DNAJC13: variants seen among roughly 807,000 people sequenced by gnomAD.
DNAJC13 encodes dnaJ homolog subfamily C member 13.
In DNAJC13, 75 loss-of-function variants were observed where a neutral mutation model predicts 290.5. The observed-to-expected ratio is 0.26, with a 90% CI of 0.21 to 0.31. The LOEUF (loss-of-function observed/expected upper bound fraction) is 0.31, where lower values mean the gene tolerates loss of function less well. DNAJC13 is among the 10% of genes least tolerant of loss of function. DNAJC13 has a pLI of 1.00. For synonymous variants in DNAJC13, 862 were observed against 892.0 expected (o/e 0.97, Z 0.60); for missense variants, 2,260 against 2,674.5 (o/e 0.85, Z 3.42).
At chr3:132,502,590 G>T (rs1194974909) in intron 40 of DNAJC13, 122 bp downstream of exon 40, 4 of 937,502 alleles carry the variant, frequency 4.3e-6, no homozygotes, top group Non-Finnish European at 5.9e-6. Context: ...GGAAAATTAG[G>T]TTTTTTGCTT....
rs889471093 is a variant in DNAJC13 at position 132,417,513 on chromosome 3, G to C, written c.-261G>C. 2 of 152,224 alleles carry C rather than the reference G, an allele frequency of 1.3e-5. No homozygotes were observed. Among genetic ancestry groups the C allele is most frequent in the South Asian group, 2.1e-4 (1 of 4,832 alleles). 9.4% of individuals were successfully genotyped at this position (152,224 alleles called of 1,614,324 possible). A position where few individuals can be genotyped will look rare whatever the true frequency, so the allele number is the denominator to read the frequency against. Reference sequence around the variant, plus strand: ...GACGCAGGCGTATTAGAGCGCGCTCGCTCAAAGCCTGAGCGAAGATGGCGG... The same window carrying C: ...GACGCAGGCGTATTAGAGCGCGCTCCCTCAAAGCCTGAGCGAAGATGGCGG... On this transcript the variant is annotated 5_prime_UTR_variant, in exon 1 of 56. Coordinates refer to ENST00000260818, the MANE Select transcript of DNAJC13 (RefSeq NM_015268.4).
At position 132,482,325 on chromosome 3, in the gene DNAJC13, C is replaced by T. The variant is rs1229119558; in HGVS notation, c.2974C>T (p.His992Tyr). ...DKERSGPYGF[H>Y]EMQELWTKGM... ...AGAAAGGAGTGGCCCGTATGGATTTCATGAGGTATGTATCTTGGAGATACT... is the reference window on the plus strand; with the variant it reads ...AGAAAGGAGTGGCCCGTATGGATTTTATGAGGTATGTATCTTGGAGATACT... Residue 992 changes from histidine to tyrosine, a missense_variant, in exon 27 of 56, where the codon CAT becomes TAT. Physicochemically the swap from His to Tyr is moderately conservative, Grantham distance 83 (BLOSUM62 2). Around this residue, in one of 3 missense-constraint regions of DNAJC13, gnomAD observed 1,494 missense variants for 1,693.7 expected, o/e 0.88. Coordinates refer to ENST00000260818, the MANE Select transcript of DNAJC13 (RefSeq NM_015268.4). 4 of 1,612,894 alleles carry T rather than the reference C, an allele frequency of 2.5e-6. No homozygotes were observed. The highest frequency in any genetic ancestry group is 3.4e-6 in the Non-Finnish European group (4 of 1,179,126).
At position 132,496,652 on chromosome 3, in the gene DNAJC13, G is replaced by T; in HGVS notation, c.4145G>T (p.Arg1382Leu). 1 of 1,605,070 alleles carries T rather than the reference G, an allele frequency of 6.2e-7. No homozygotes were observed. Among genetic ancestry groups the T allele is most frequent in the Non-Finnish European group, 8.5e-7 (1 of 1,176,530 alleles). Residue 1382 changes from arginine (R) to leucine (L), a missense_variant, in exon 36 of 56, where the codon CGT (arginine) becomes CTT (leucine). Physicochemically the swap from Arg to Leu is moderately radical, Grantham distance 102. This residue lies in a region of DNAJC13 where 1,494 missense variants were observed against 1,693.7 expected (regional missense o/e 0.88). Transcript: ENST00000260818. ...ILKTQSILFN[R>L]HKEDLQPYKY... is the part of the protein sequence containing the mutation. ...AAAACACAGAGCATCCTCTTCAACC[G>T]TCATAAAGAAGGTAAGATGTCTGTT...
chr3:132,483,793 T>C (rs1934760997), intron 28 of DNAJC13, among the ~76,000 whole-genome samples: 1 of 152,234 alleles, frequency 6.6e-6, no homozygotes, highest in South Asian at 2.1e-4. Flanking sequence ...TTTCAAATAA[T>C]GTTACAAAAC....
chr3:132,491,069 T>A lies in DNAJC13; in HGVS notation c.3623+18T>A, dbSNP rs199764417. ...GAAATGAGGTAAATAACCAGTTGAC[T>A]GATTGATTTGTATTTTATAATTAAG... On this transcript the variant is annotated intron_variant, in intron 32 of 55. Transcript: ENST00000260818. 5.1e-6 allele frequency: 8 copies of A among 1,575,948 alleles called. No individual in the cohort carries two copies. The highest frequency in any genetic ancestry group is 6.0e-6 in the Non-Finnish European group (7 of 1,164,838).
intron 36 of DNAJC13, among the ~76,000 whole-genome samples, chr3:132,497,237 G>A (rs1935261237): frequency 6.6e-6 from 1 of 152,226 alleles, no homozygotes; most frequent in African/African-American, 2.4e-5. Context: ...ATTATCCAGT[G>A]TTTGTGGGGC....
At chr3:132,437,886 C>T (rs553180659) in intron 2 of DNAJC13, among the ~76,000 whole-genome samples, 2 of 151,892 alleles carry the variant, frequency 1.3e-5, no homozygotes, top group East Asian at 3.9e-4. Context: ...CCTGTCTCTA[C>T]CAAAAAGTAC....
At chr3:132,472,592 C>T (rs1234260639) in intron 20 of DNAJC13, 1 of 985,296 alleles carries the variant, frequency 1.0e-6, no homozygotes, top group Non-Finnish European at 1.2e-6. Context: ...GTTCCTGCTA[C>T]GTGTGTGAAA....
At chr3:132,420,708 C>G (rs150748819) in intron 1 of DNAJC13, among the ~76,000 whole-genome samples, 1 of 152,260 alleles carries the variant, frequency 6.6e-6, no homozygotes, top group East Asian at 1.9e-4. Context: ...ACAAACTGTT[C>G]TGCAGATTCA....
At chr3:132,484,494 G>A in intron 28 of DNAJC13, 94 bp from the exon 29 acceptor site, 2 of 1,148,684 alleles carry the variant, frequency 1.7e-6, no homozygotes, top group East Asian at 2.4e-5. Flanking sequence ...AAAAAGTAAG[G>A]TAACCTGCTT....
chr3:132,488,177 C>A, intron 29 of DNAJC13, 121 bp from the exon 30 acceptor site: 1 of 822,242 alleles, frequency 1.2e-6, no homozygotes. Flanking sequence ...TTACTGACTC[C>A]CATGGGTTTT....
At chr3:132,417,929 T>C (rs941098405) in intron 1 of DNAJC13, among the ~76,000 whole-genome samples, 169 bp downstream of exon 1, 6 of 152,162 alleles carry the variant, frequency 3.9e-5, no homozygotes, top group African/African-American at 1.4e-4. Flanking sequence ...GTCTGGTTCC[T>C]TTCGTTGGAC....
intron 6 of DNAJC13, among the ~76,000 whole-genome samples, chr3:132,452,787 C>T (rs1336083290): frequency 6.6e-6 from 1 of 152,190 alleles, no homozygotes; most frequent in Non-Finnish European, 1.5e-5. Flanking sequence ...GATACTCATC[C>T]TGTAGCCTGT....
In DNAJC13 at chr3:132,417,601, C is replaced by T. The variant is rs1164234373; in HGVS notation, c.-173C>T. On this transcript the variant is annotated 5_prime_UTR_variant, in exon 1 of 56. Coordinates refer to ENST00000260818, the MANE Select transcript of DNAJC13 (RefSeq NM_015268.4). The stretch of plus-strand genomic sequence containing the variant: ...CGGAGGGGGCGGGGAGGCAGCGCCG[C>T]GGCGGCACCAGGAACCCGCGGCAGC... 2 of 152,504 alleles carry T rather than the reference C, an allele frequency of 1.3e-5. No homozygotes were observed. The highest frequency in any genetic ancestry group is 1.5e-5 in the Non-Finnish European group (1 of 68,216). The allele number at this position is 152,504 out of a possible 1,614,324, so 9.4% of individuals were successfully genotyped here. A position where few individuals can be genotyped will look rare whatever the true frequency, so the allele number is the denominator to read the frequency against.
intron 24 of DNAJC13, among the ~76,000 whole-genome samples, chr3:132,478,750 CA>C (rs1934558552): frequency 6.6e-6 from 1 of 151,984 alleles, no homozygotes; most frequent in South Asian, 2.1e-4. Context: ...GACCTTGTCT[CA>C]AAAAAAATTT....
chr3:132,421,944 A>G (rs1938970624), intron 1 of DNAJC13, among the ~76,000 whole-genome samples: 1 of 152,220 alleles, frequency 6.6e-6, no homozygotes, highest in Non-Finnish European at 1.5e-5. Context: ...ATATAAAACA[A>G]TTAGAGTCTG....
At chr3:132,487,204 T>C (rs886332735) in intron 29 of DNAJC13, among the ~76,000 whole-genome samples, 9 of 152,174 alleles carry the variant, frequency 5.9e-5, no homozygotes, top group Non-Finnish European at 1.0e-4. Context: ...TATAGAACTT[T>C]GGCCTCCTAA....
At chr3:132,478,227 G>T in intron 24 of DNAJC13, 87 bp downstream of exon 24, 2 of 1,189,846 alleles carry the variant, frequency 1.7e-6, no homozygotes, top group Non-Finnish European at 1.2e-6. Flanking sequence ...AATTCTGTTT[G>T]ATCACATTAT....
At chr3:132,475,892 T>A (rs1373036684) in intron 22 of DNAJC13, among the ~76,000 whole-genome samples, 1 of 152,224 alleles carries the variant, frequency 6.6e-6, no homozygotes, top group Admixed American at 6.5e-5. Flanking sequence ...ATTGCCTCAA[T>A]GAAATCATTA....
Sources: allele counts gnomAD v4.1 joint callset (sites outside exome capture counted in the v4.1 genomes callset), GRCh38; gene constraint gnomAD v4.1.1; regional missense constraint gnomAD v4.1.1; transcripts MANE v1.5; gene names NCBI Gene and HGNC (gene_info 2026-07-23, HGNC 2026-07-21).